NEMF: variants seen among roughly 807,000 people sequenced by gnomAD.
The protein encoded by NEMF is ribosome quality control complex subunit NEMF.
In NEMF, 89 loss-of-function variants were observed where a neutral mutation model predicts 162.2. The ratio of observed to expected loss-of-function variants is 0.55; its 90% CI spans 0.46 to 0.65. The LOEUF is 0.65. NEMF is among the 30% of genes least tolerant of loss of function. NEMF has a pLI of 0.00. For missense variants in NEMF, 1,133 were observed against 1,261.9 expected (o/e 0.90, Z 1.55); for synonymous variants, 421 against 404.5 (o/e 1.04, Z -0.49).
intron 7 of NEMF, 170 bp downstream of exon 7, chr14:49,834,193 T>A: frequency 1.7e-6 from 1 of 598,976 alleles, no homozygotes. Context: ...CAGGCTTAAG[T>A]GATCCTCCCA....
chr14:49,823,605 G>C (rs942550444), intron 16 of NEMF, among the ~76,000 whole-genome samples: 3 of 152,026 alleles, frequency 2.0e-5, no homozygotes, highest in Admixed American at 6.6e-5. Flanking sequence ...TTGGAGGACT[G>C]GTCTAGGGGG....
Position 49,782,527 on chromosome 14 carries a change from C to CTAT in NEMF, c.*2106_*2108dup, listed in dbSNP as rs774835161. 2.1e-5 allele frequency: 34 copies of CTAT among 1,603,334 alleles called. No homozygotes were observed. In the South Asian group the frequency reaches 3.4e-4, roughly 16 times the overall value. On this transcript the variant is annotated 3_prime_UTR_variant, in exon 33 of 33. Coordinates refer to ENST00000298310, the MANE Select transcript of NEMF (RefSeq NM_004713.6). ...GCATTTGCTTTTAAATGTGTTCTTCCTATTTATTTTTCAGGCACACAGTAA... is the reference window on the plus strand; with the variant it reads ...GCATTTGCTTTTAAATGTGTTCTTCCTATTATTTATTTTTCAGGCACACAGTAA...
At position 49,813,982 on chromosome 14, in the gene NEMF, T is replaced by C. The variant is rs368259188; in HGVS notation, c.1744+6A>G. The C allele has an allele frequency of 2.6e-5, 37 of 1,449,056 alleles. No homozygotes were observed. In the African/African-American group the frequency reaches 4.2e-4, roughly 16 times the overall value. The allele number at this position is 1,449,056 out of a possible 1,614,324, so 89.8% of individuals were successfully genotyped here. ...CAGGAATTCTGAATAGAAAGAAATA[T>C]ATTACCTGTTGGATTCTTAATTACA... On this transcript the variant is annotated splice_donor_region_variant and intron_variant, in intron 18 of 32. Transcript: ENST00000298310.
At chr14:49,789,632 A>T in intron 26 of NEMF, 59 bp from the exon 27 acceptor site, 1 of 1,578,406 alleles carries the variant, frequency 6.3e-7, no homozygotes, top group South Asian at 1.2e-5. Flanking sequence ...GTCAACAAAT[A>T]CTTGCAAAGA....
chr14:49,846,391 A>G (rs1415509831), intron 3 of NEMF, 126 bp from the exon 4 acceptor site: 2 of 801,438 alleles, frequency 2.5e-6, no homozygotes, highest in Admixed American at 2.7e-5. Flanking sequence ...ATAACAGTAT[A>G]GTCATAAAGT....
intron 16 of NEMF, among the ~76,000 whole-genome samples, chr14:49,817,740 TAAA>T (rs1404013668): frequency 6.6e-6 from 1 of 152,146 alleles, no homozygotes; most frequent in Non-Finnish European, 1.5e-5. Flanking sequence ...ACAAAGTCTT[TAAA>T]AAAACACTGC....
intron 29 of NEMF, 79 bp from the exon 30 acceptor site, chr14:49,785,399 C>G (rs1471237609): frequency 2.2e-5 from 20 of 913,834 alleles, no homozygotes; most frequent in Non-Finnish European, 3.6e-5. Context: ...GAATTAGTAT[C>G]TCAACATATT....
intron 3 of NEMF, among the ~76,000 whole-genome samples, chr14:49,849,424 G>A (rs763654193): frequency 6.6e-6 from 1 of 152,186 alleles, no homozygotes; most frequent in Non-Finnish European, 1.5e-5. Context: ...AGCTATAGCT[G>A]TCATCCCCAA....
chr14:49,788,559 T>C (rs1389131553), intron 28 of NEMF, among the ~76,000 whole-genome samples: 1 of 6,094 alleles, frequency 1.6e-4, no homozygotes, highest in East Asian at 0.036. Context: ...TCTCTCTCTC[T>C]TTTTTTTTTT....
At position 49,783,292 on chromosome 14, in the gene NEMF, T is replaced by A. The variant is rs1890000108; in HGVS notation, c.*1344A>T. The A allele has an allele frequency of 5.9e-5, 2 of 33,710 alleles. No individual in the cohort carries two copies. Among genetic ancestry groups the A allele is most frequent in the South Asian group, 3.9e-3 (2 of 510 alleles). The allele number at this position is 33,710 out of a possible 1,614,324, so 2.1% of individuals were successfully genotyped here. A position where few individuals can be genotyped will look rare whatever the true frequency, so the allele number is the denominator to read the frequency against. On this transcript the variant is annotated 3_prime_UTR_variant, in exon 33 of 33. Coordinates refer to ENST00000298310, the MANE Select transcript of NEMF (RefSeq NM_004713.6). ...TGCTGAAGTCATTTTTTGAAAACAT[T>A]ATAGATTTTTTTTTTTTTAATGGCA...
At chr14:49,819,963 T>G (rs1472787956) in intron 16 of NEMF, 1 of 153,276 alleles carries the variant, frequency 6.5e-6, no homozygotes, top group Non-Finnish European at 1.4e-5. Context: ...TGTTTTTGTT[T>G]TTTTCTGAGA....
chr14:49,799,235 G>GAAAAAAAAAAAAA (rs1402728880), intron 25 of NEMF, among the ~76,000 whole-genome samples: 1 of 54,970 alleles, frequency 1.8e-5, no homozygotes, highest in Non-Finnish European at 4.6e-5. Context: ...AAAAAAAAAG[G>GAAAAAAAAAAAAA]AAAATGTTAA....
At chr14:49,841,837 G>A (rs1176400931) in intron 4 of NEMF, among the ~76,000 whole-genome samples, 1 of 152,164 alleles carries the variant, frequency 6.6e-6, no homozygotes, top group Non-Finnish European at 1.5e-5. Context: ...TGGGCGCAGT[G>A]GCTCACGCCT....
At chr14:49,834,221 G>A (rs1892784811) in intron 7 of NEMF, 142 bp downstream of exon 7, 2 of 623,120 alleles carry the variant, frequency 3.2e-6, no homozygotes, top group Non-Finnish European at 5.9e-6. Flanking sequence ...CTCCCAAAGT[G>A]CTGGGATTGC....
chr14:49,785,417 T>G, intron 29 of NEMF, 97 bp from the exon 30 acceptor site: 1 of 810,724 alleles, frequency 1.2e-6, no homozygotes, highest in South Asian at 1.5e-5. Context: ...ATTTTTTATC[T>G]TTTCCTGATA....
At chr14:49,849,021 A>G (rs1243943572) in intron 3 of NEMF, among the ~76,000 whole-genome samples, 1 of 152,142 alleles carries the variant, frequency 6.6e-6, no homozygotes, top group Non-Finnish European at 1.5e-5. Flanking sequence ...GTTCTTCTCC[A>G]GACCTTATAG....
Position 49,783,067 on chromosome 14 carries a change from T to C in NEMF, c.*1569A>G. On this transcript the variant is annotated 3_prime_UTR_variant, in exon 33 of 33. Transcript: ENST00000298310. ...TTGTTGTAGTTTGCACCTGTTGGTT[T>C]TAATGTGCATGTGAATGGCCTAGAG... 1 of 1,107,852 alleles carries C rather than the reference T, an allele frequency of 9.0e-7. No individual in the cohort carries two copies. The highest frequency in any genetic ancestry group is 1.3e-6 in the Non-Finnish European group (1 of 788,518). 68.6% of individuals were successfully genotyped at this position (1,107,852 alleles called of 1,614,324 possible).
chr14:49,851,479 G>A (rs1032005672), intron 3 of NEMF, 84 bp downstream of exon 3: 13 of 886,734 alleles, frequency 1.5e-5, no homozygotes, highest in African/African-American at 6.7e-5. Flanking sequence ...CACTTTATTC[G>A]TAACAGTGAA....
chr14:49,816,520 C>T (rs558153789), intron 16 of NEMF, among the ~76,000 whole-genome samples: 2 of 152,328 alleles, frequency 1.3e-5, no homozygotes, highest in South Asian at 4.1e-4. Context: ...GGCTTTAAGG[C>T]TCAGGTGGGC....
Sources: allele counts gnomAD v4.1 joint callset (sites outside exome capture counted in the v4.1 genomes callset), GRCh38; gene constraint gnomAD v4.1.1; transcripts MANE v1.5; gene names NCBI Gene and HGNC (gene_info 2026-07-23, HGNC 2026-07-21).